The following FGF14 variants were observed in gnomAD, a reference collection of about 807,000 sequenced individuals.
FGF14 encodes the protein fibroblast growth factor homologous factor 4.
Under a neutral mutation model 25.5 loss-of-function variants are expected in FGF14, and 5 were observed. The observed-to-expected ratio is 0.20, with a 90% CI of 0.10 to 0.41. The LOEUF (loss-of-function observed/expected upper bound fraction) is 0.41, where lower values mean the gene tolerates loss of function less well. Among genes scored for constraint, FGF14 ranks in the 10% least tolerant of loss-of-function variants. The pLI is 1.00. For synonymous variants in FGF14, 138 were observed against 118.3 expected, an observed-to-expected ratio of 1.17 and a Z score of -1.08; for missense variants, 222 against 320.1, an observed-to-expected ratio of 0.69 and a Z score of 2.34.
At chr13:101,805,511 GACAGTT>G (rs1483781796) in intron 3 of FGF14, among the ~76,000 whole-genome samples, 2 of 152,088 alleles carry the variant, frequency 1.3e-5, no homozygotes, top group African/African-American at 4.8e-5. Flanking sequence ...CACAAATTCA[GACAGTT>G]AATTCTGGGG....
In FGF14 at chr13:102,130,513, C is replaced by A. The variant is rs571946400; in HGVS notation, c.209-255217G>T. Reference sequence around the variant, plus strand: ...CACCTGGATAATGCAGGCTCATTTCCCTAGTTTCAAGCCAGCAGTCTGGCA... The same window carrying A: ...CACCTGGATAATGCAGGCTCATTTCACTAGTTTCAAGCCAGCAGTCTGGCA... On this transcript the variant is annotated intron_variant, in intron 1 of 4. Transcript: ENST00000376131. Among the ~76,000 whole-genome samples the A allele has an allele frequency of 7.9e-5, 12 of 152,246 alleles. No individual in the cohort carries two copies. The East Asian group carries it at 2.3e-3, about 29-fold the overall frequency.
intron 1 of FGF14, among the ~76,000 whole-genome samples, chr13:102,066,520 T>C (rs1393862602): frequency 6.6e-6 from 1 of 152,224 alleles, no homozygotes; most frequent in Non-Finnish European, 1.5e-5. Flanking sequence ...ATGTATCTTA[T>C]TGTTTAAATT....
chr13:102,297,787 T>C (rs1441118693), intron 1 of FGF14, among the ~76,000 whole-genome samples: 1 of 151,968 alleles, frequency 6.6e-6, no homozygotes, highest in East Asian at 1.9e-4. Context: ...TCCCAGCTAC[T>C]TGGGAAGCTG....
At chr13:101,950,058 C>T (rs2139382029) in intron 1 of FGF14, among the ~76,000 whole-genome samples, 1 of 151,908 alleles carries the variant, frequency 6.6e-6, no homozygotes, top group South Asian at 2.1e-4. Context: ...TTCTGTCTGG[C>T]CTCTTTCTGT....
intron 3 of FGF14, among the ~76,000 whole-genome samples, chr13:101,815,820 A>G (rs1170272980): frequency 6.6e-6 from 1 of 152,160 alleles, no homozygotes; most frequent in Non-Finnish European, 1.5e-5. Context: ...CAAGAATGAT[A>G]TGAGGAAGAA....
chr13:101,744,959 A>C (rs1038266925), intron 3 of FGF14, among the ~76,000 whole-genome samples: 2 of 152,066 alleles, frequency 1.3e-5, no homozygotes, highest in Non-Finnish European at 2.9e-5. Flanking sequence ...ACCAAACATC[A>C]AATAAATGTT....
At chr13:102,274,428 T>C (rs567591799) in intron 1 of FGF14, among the ~76,000 whole-genome samples, 57 of 152,304 alleles carry the variant, frequency 3.7e-4, no homozygotes, top group Non-Finnish European at 7.9e-4. Flanking sequence ...TTATTAGTTA[T>C]TTATTTGTCC....
intron 1 of FGF14, among the ~76,000 whole-genome samples, chr13:102,080,702 C>T (rs997983009): frequency 6.6e-6 from 1 of 152,236 alleles, no homozygotes; most frequent in Non-Finnish European, 1.5e-5. Context: ...CTCTTTCTCC[C>T]TCCAGAACTA....
chr13:102,213,504 C>A (rs2050244724), intron 1 of FGF14, among the ~76,000 whole-genome samples: 1 of 152,080 alleles, frequency 6.6e-6, no homozygotes, highest in Admixed American at 6.5e-5. Flanking sequence ...CATCAGGCGA[C>A]TTTAAAGTTA....
intron 1 of FGF14, among the ~76,000 whole-genome samples, chr13:102,014,291 A>AAGC (rs1259267970): frequency 6.6e-6 from 1 of 152,186 alleles, no homozygotes; most frequent in Non-Finnish European, 1.5e-5. Context: ...GTAATGCAAA[A>AAGC]AGCAACTTTT....
chr13:101,782,989 C>T (rs2039599952), intron 3 of FGF14, among the ~76,000 whole-genome samples: 1 of 152,174 alleles, frequency 6.6e-6, no homozygotes, highest in Non-Finnish European at 1.5e-5. Context: ...TTTACACTCC[C>T]ACCAACAGTG....
intron 1 of FGF14, among the ~76,000 whole-genome samples, chr13:101,936,434 T>C (rs181846474): frequency 6.6e-6 from 1 of 152,334 alleles, no homozygotes; most frequent in East Asian, 1.9e-4. Flanking sequence ...ACCATGGATT[T>C]CAGAACTCAA....
At position 102,150,813 on chromosome 13, in the gene FGF14, G is replaced by C. The variant is rs112899720; in HGVS notation, c.208+250658C>G. Among the ~76,000 whole-genome samples the C allele has an allele frequency of 5.5e-3, 834 of 152,270 alleles. 7 individuals carry two copies. The highest frequency in any genetic ancestry group is 0.019 in the African/African-American group (769 of 41,530). On this transcript the variant is annotated intron_variant, in intron 1 of 4. Coordinates refer to the FGF14 transcript ENST00000376131. Reference sequence around the variant, plus strand: ...AGCTAAGGGTCTAGGAGGTCTACTGGTATGTTGTAGATAGAGATCTGGGTG... The same window carrying C: ...AGCTAAGGGTCTAGGAGGTCTACTGCTATGTTGTAGATAGAGATCTGGGTG...
intron 1 of FGF14, chr13:102,373,361 G>C (rs1299442457): frequency 6.6e-6 from 1 of 152,100 alleles, no homozygotes; most frequent in Non-Finnish European, 1.5e-5. Flanking sequence ...TATAAACACT[G>C]TAAGGTAAAT....
chr13:102,269,767 G>T (rs1051117654), intron 1 of FGF14, among the ~76,000 whole-genome samples: 1 of 152,140 alleles, frequency 6.6e-6, no homozygotes, highest in Non-Finnish European at 1.5e-5. Context: ...CTACTCGGGA[G>T]AATGAGGCAG....
chr13:102,285,656 T>G (rs1594725243), intron 1 of FGF14, among the ~76,000 whole-genome samples: 1 of 152,260 alleles, frequency 6.6e-6, no homozygotes, highest in East Asian at 1.9e-4. Flanking sequence ...GATAAATCTC[T>G]GTGAACTAGC....
chr13:101,957,687 C>G lies in FGF14; in HGVS notation c.209-82391G>C, dbSNP rs115529546. 2.7e-3 allele frequency among the ~76,000 whole-genome samples: 414 copies of G among 152,280 alleles called. 3 individuals carry two copies. The highest frequency in any genetic ancestry group is 9.4e-3 in the African/African-American group (391 of 41,560). ...ATGATTAGAGCTCATCTTTTCCATCCACCCTAATTTCTCATAACCAGAAAA... is the reference window on the plus strand; with the variant it reads ...ATGATTAGAGCTCATCTTTTCCATCGACCCTAATTTCTCATAACCAGAAAA... On this transcript the variant is annotated intron_variant, in intron 1 of 4. Coordinates refer to the FGF14 transcript ENST00000376131.
At chr13:102,039,624 T>C (rs2041636583) in intron 1 of FGF14, among the ~76,000 whole-genome samples, 1 of 152,178 alleles carries the variant, frequency 6.6e-6, no homozygotes, top group African/African-American at 2.4e-5. Context: ...GTTCTTCTTA[T>C]AAAGATAACA....
chr13:102,030,055 G>A (rs1286767816), intron 1 of FGF14, among the ~76,000 whole-genome samples: 2 of 152,036 alleles, frequency 1.3e-5, no homozygotes, highest in Non-Finnish European at 2.9e-5. Flanking sequence ...TATGTGTCAA[G>A]TATACAATAT....
Sources: allele counts gnomAD v4.1 joint callset (sites outside exome capture counted in the v4.1 genomes callset), GRCh38; gene constraint gnomAD v4.1.1; transcripts MANE v1.5; gene names NCBI Gene and HGNC (gene_info 2026-07-23, HGNC 2026-07-21).